ACVR1: variants seen among roughly 807,000 people sequenced by gnomAD.
ACVR1 encodes activin receptor type-1.
In ACVR1, 38 loss-of-function variants were observed where a neutral mutation model predicts 57.1. The observed-to-expected ratio is 0.67, with a 90% CI of 0.51 to 0.87. The LOEUF (loss-of-function observed/expected upper bound fraction) is 0.87. Ranked by LOEUF, ACVR1 falls within the 40% of genes least tolerant of loss-of-function variation. ACVR1 has a pLI of 0.00. For synonymous variants in ACVR1, 212 were observed against 228.1 expected, an observed-to-expected ratio of 0.93 and a Z score of 0.63; for missense variants, 463 against 638.2, an observed-to-expected ratio of 0.73 and a Z score of 2.96.
intron 1 of ACVR1, among the ~76,000 whole-genome samples, chr2:157,861,049 A>C (rs548802264): frequency 6.6e-6 from 1 of 152,338 alleles, no homozygotes; most frequent in East Asian, 1.9e-4. Context: ...TGTGCCTAGA[A>C]GGCCCTTTCC....
In ACVR1 at chr2:157,766,102, A is replaced by C; in HGVS notation, c.885T>G (p.Leu295=). 6.2e-7 allele frequency: 1 copy of C among 1,614,168 alleles called. No individual in the cohort carries two copies. Among genetic ancestry groups the C allele is most frequent in the Non-Finnish European group, 8.5e-7 (1 of 1,179,994 alleles). Residue 295 remains leucine, a synonymous_variant, in exon 8 of 11, where the codon CTT becomes CTG. Transcript: ENST00000434821. ...YHEMGSLYDY[L]QLTTLDTVSC... ...TAACTGTATCCAGAGTAGTAAGCTGAAGATAGTCGTACAACGATCCCATTT... is the reference window on the plus strand; with the variant it reads ...TAACTGTATCCAGAGTAGTAAGCTGCAGATAGTCGTACAACGATCCCATTT...
Position 157,738,363 on chromosome 2 carries a change from T to C in ACVR1, c.1395+77A>G, listed in dbSNP as rs1684620910. The C allele has an allele frequency of 4.4e-6, 7 of 1,598,032 alleles. No homozygotes were observed. In the South Asian group the frequency reaches 5.5e-5, roughly 13 times the overall value. ...CACGGGACAGATCACTCAGATGCAA[T>C]ACCAGTTGAAACTCAAAGGGAAACA... is the stretch of plus-strand genomic sequence containing the variant. On this transcript the variant is annotated intron_variant, in intron 10 of 10. Coordinates refer to ENST00000434821, the MANE Select transcript of ACVR1 (RefSeq NM_001111067.4).
At chr2:157,798,420 G>T (rs1320300669) in intron 3 of ACVR1, among the ~76,000 whole-genome samples, 1 of 151,116 alleles carries the variant, frequency 6.6e-6, no homozygotes, top group East Asian at 2.0e-4. Context: ...CGAAGATGTT[G>T]AAGATTATTA....
intron 1 of ACVR1, among the ~76,000 whole-genome samples, chr2:157,865,866 T>TAGATA (rs1349784374): frequency 4.8e-5 from 6 of 125,896 alleles, no homozygotes; most frequent in African/African-American, 8.7e-5. Flanking sequence ...ATAGATAGAT[T>TAGATA]GACTGATTGA....
intron 1 of ACVR1, among the ~76,000 whole-genome samples, chr2:157,862,333 C>T (rs1689748853): frequency 6.6e-6 from 1 of 151,354 alleles, no homozygotes; most frequent in Admixed American, 6.6e-5. Flanking sequence ...ATTTTGTGTA[C>T]TCTCTATAGT....
chr2:157,825,096 C>T (rs142780462), intron 1 of ACVR1, among the ~76,000 whole-genome samples: 49 of 152,236 alleles, frequency 3.2e-4, no homozygotes, highest in African/African-American at 1.1e-3. Context: ...CCTTTTCTAT[C>T]CTTATTTCTT....
chr2:157,747,263 C>T (rs1055840455), intron 9 of ACVR1, among the ~76,000 whole-genome samples: 7 of 152,066 alleles, frequency 4.6e-5, no homozygotes, highest in Non-Finnish European at 1.0e-4. Context: ...TAAATTAGTA[C>T]AGCTTTTATG....
intron 3 of ACVR1, among the ~76,000 whole-genome samples, chr2:157,781,492 G>A (rs1006200190): frequency 6.6e-6 from 1 of 152,168 alleles, no homozygotes; most frequent in African/African-American, 2.4e-5. Flanking sequence ...ATTATAGTGG[G>A]AATTAACACC....
At chr2:157,745,179 A>G (rs1448092852) in intron 9 of ACVR1, among the ~76,000 whole-genome samples, 1 of 152,226 alleles carries the variant, frequency 6.6e-6, no homozygotes. Context: ...GGACCCTACT[A>G]AAAGCATGTG....
At chr2:157,846,639 A>G (rs929653161) in intron 1 of ACVR1, among the ~76,000 whole-genome samples, 1 of 152,234 alleles carries the variant, frequency 6.6e-6, no homozygotes, top group African/African-American at 2.4e-5. Context: ...CTTGTTCCAG[A>G]AACAATTTAA....
At chr2:157,813,748 A>G (rs1455143827) in intron 2 of ACVR1, among the ~76,000 whole-genome samples, 2 of 152,226 alleles carry the variant, frequency 1.3e-5, no homozygotes, top group African/African-American at 4.8e-5. Flanking sequence ...GTGAAGAAAA[A>G]ATAAACTTTT....
At chr2:157,777,513 T>C (rs1686336963) in intron 5 of ACVR1, among the ~76,000 whole-genome samples, 1 of 152,230 alleles carries the variant, frequency 6.6e-6, no homozygotes, top group Non-Finnish European at 1.5e-5. Context: ...AAATCTACTT[T>C]TACGAAACTT....
chr2:157,810,583 ATC>A (rs553843899), intron 2 of ACVR1, among the ~76,000 whole-genome samples: 42 of 152,162 alleles, frequency 2.8e-4, no homozygotes, highest in Non-Finnish European at 5.0e-4. Context: ...ACCATCAAAA[ATC>A]TCTCTTTCCA....
chr2:157,836,882 C>A (rs948060141), intron 1 of ACVR1, among the ~76,000 whole-genome samples: 5 of 152,210 alleles, frequency 3.3e-5, no homozygotes, highest in Non-Finnish European at 7.3e-5. Context: ...AAAGAACACT[C>A]CATCTCCTCT....
intron 1 of ACVR1, among the ~76,000 whole-genome samples, chr2:157,861,354 G>A (rs16842195): frequency 0.089 from 13,525 of 152,180 alleles, 1,284 homozygotes; most frequent in East Asian, 0.45. Flanking sequence ...TTTGTTGAAG[G>A]AGACGTTCAG....
chr2:157,816,171 C>T lies in ACVR1; in HGVS notation c.-8+2214G>A, dbSNP rs534286375. On this transcript the variant is annotated intron_variant, in intron 2 of 10. Coordinates refer to ENST00000434821, the MANE Select transcript of ACVR1 (RefSeq NM_001111067.4). The stretch of plus-strand genomic sequence containing the variant: ...CATATTTGTTTGTATATAAAAATAT[C>T]TGTATAAGAAAAGGTTTGTAAATGG... Among the ~76,000 whole-genome samples the T allele has an allele frequency of 5.3e-5, 8 of 152,140 alleles. 1 individual carries two copies. The highest frequency in any genetic ancestry group is 1.9e-4 in the African/African-American group (8 of 41,482).
At chr2:157,850,568 G>A (rs1006112478) in intron 1 of ACVR1, among the ~76,000 whole-genome samples, 1 of 152,092 alleles carries the variant, frequency 6.6e-6, no homozygotes, top group Non-Finnish European at 1.5e-5. Flanking sequence ...TCCTAAGCTG[G>A]CAGTTCAAGG....
At chr2:157,840,878 G>A (rs1688951166) in intron 1 of ACVR1, among the ~76,000 whole-genome samples, 1 of 152,258 alleles carries the variant, frequency 6.6e-6, no homozygotes, top group Non-Finnish European at 1.5e-5. Flanking sequence ...CAAGGGCAGG[G>A]TCCGCTTCAA....
chr2:157,754,842 T>TA (rs1685357175), intron 9 of ACVR1, among the ~76,000 whole-genome samples: 1 of 152,058 alleles, frequency 6.6e-6, no homozygotes, highest in Non-Finnish European at 1.5e-5. Flanking sequence ...GTGATGAACA[T>TA]AGATGCAAAC....
Sources: gnomAD v4.1 joint callset for allele counts (sites outside exome capture counted in the v4.1 genomes callset) on GRCh38, gnomAD v4.1.1 for gene constraint, MANE v1.5 for transcripts, NCBI Gene and HGNC (gene_info 2026-07-23, HGNC 2026-07-21) for gene names.